The following RUVBL1 variants were observed in gnomAD, a reference collection of about 807,000 sequenced individuals.
RUVBL1 encodes the protein ruvB-like 1.
RUVBL1 carries 4 observed loss-of-function variants against 52.4 expected under a neutral mutation model. The observed-to-expected ratio is 0.08, with a 90% confidence interval of 0.04 to 0.17. The LOEUF is 0.17. RUVBL1 is among the 10% of genes least tolerant of loss of function. The pLI is 1.00. For synonymous variants in RUVBL1, 217 were observed against 214.4 expected (o/e 1.01, Z -0.10); for missense variants, 298 against 572.8 (o/e 0.52, Z 4.90).
intron 1 of RUVBL1, among the ~76,000 whole-genome samples, chr3:128,120,980 C>CAA (rs397737928): frequency 1.8e-4 from 24 of 134,478 alleles, no homozygotes; most frequent in African/African-American, 3.0e-4. Context: ...GACTCCCTCT[C>CAA]AAAAAAAAAA....
chr3:128,098,953 A>G lies in RUVBL1; in HGVS notation c.754-8T>C, dbSNP rs780874479. ...CAGGATATCTTGTCCCCCCTGCATA[A>G]GAGAAGACTTAGAGTCAGTGCTGCT... On this transcript the variant is annotated splice_region_variant and splice_polypyrimidine_tract_variant and intron_variant, in intron 6 of 10. Coordinates refer to ENST00000322623, the MANE Select transcript of RUVBL1 (RefSeq NM_003707.3). 5.6e-6 allele frequency: 9 copies of G among 1,613,284 alleles called. No homozygotes were observed. Among genetic ancestry groups the G allele is most frequent in the South Asian group, 5.5e-5 (5 of 91,076 alleles).
intron 3 of RUVBL1, among the ~76,000 whole-genome samples, chr3:128,110,884 T>G (rs1943373594): frequency 6.6e-6 from 1 of 152,100 alleles, no homozygotes; most frequent in Admixed American, 6.5e-5. Flanking sequence ...AGACATATTT[T>G]TTAGCTAAAG....
chr3:128,101,417 T>C (rs998061518), intron 5 of RUVBL1, 142 bp downstream of exon 5: 3 of 709,494 alleles, frequency 4.2e-6, no homozygotes, highest in African/African-American at 1.8e-5. Context: ...GGGCCACTAG[T>C]TGACCTTCCA....
intron 5 of RUVBL1, among the ~76,000 whole-genome samples, 172 bp from the exon 6 acceptor site, chr3:128,100,916 T>C (rs187002023): frequency 1.4e-4 from 21 of 152,320 alleles, no homozygotes; most frequent in African/African-American, 4.8e-4. Flanking sequence ...AGCTATCTGC[T>C]CATCGCTGGG....
At chr3:128,120,333 T>C (rs920702060) in intron 1 of RUVBL1, among the ~76,000 whole-genome samples, 11 of 152,226 alleles carry the variant, frequency 7.2e-5, no homozygotes, top group South Asian at 6.2e-4. Context: ...ATTAGATCCA[T>C]TGAATATGTT....
intron 4 of RUVBL1, 28 bp downstream of exon 4, chr3:128,104,745 G>A: frequency 6.3e-7 from 1 of 1,581,518 alleles, no homozygotes; most frequent in Non-Finnish European, 8.7e-7. Flanking sequence ...GAGAGTCAAG[G>A]GAAAAGAGGC....
intron 2 of RUVBL1, among the ~76,000 whole-genome samples, chr3:128,115,749 C>T (rs1390508051): frequency 1.3e-5 from 2 of 152,172 alleles, no homozygotes; most frequent in African/African-American, 4.8e-5. Context: ...ACATTCAGAG[C>T]AGTAAACTAT....
In RUVBL1 at chr3:128,067,297, T is replaced by TA. The variant is rs1360682769; in HGVS notation, c.940-2078dup. The TA allele has an allele frequency of 3.3e-5, 43 of 1,302,232 alleles. No homozygotes were observed. The highest frequency in any genetic ancestry group is 5.6e-5 in the South Asian group (4 of 71,712). The allele number at this position is 1,302,232 out of a possible 1,614,324, so 80.7% of individuals were successfully genotyped here. A position where few individuals can be genotyped will look rare whatever the true frequency, so the allele number is the denominator to read the frequency against. On this transcript the variant is annotated intron_variant, in intron 9 of 9. Coordinates refer to the RUVBL1 transcript ENST00000464873. This position sits in a 1 kb window ranked among gnomAD's most constrained non-coding sequence, Gnocchi z 4.1. ...TCAGCACATTAAATTATCTTTTCAG[T>TA]AAAAAAATTGTACTGTGGGCACCGA...
chr3:128,094,466 C>T (rs1268894156), intron 8 of RUVBL1, among the ~76,000 whole-genome samples: 4 of 152,204 alleles, frequency 2.6e-5, no homozygotes, highest in South Asian at 2.1e-4. Context: ...GGCAGCACCC[C>T]GTCAAAGCTC....
chr3:128,117,474 T>C (rs1943552843), intron 2 of RUVBL1, among the ~76,000 whole-genome samples: 1 of 152,216 alleles, frequency 6.6e-6, no homozygotes, highest in South Asian at 2.1e-4. Flanking sequence ...CCAGACGTTG[T>C]CAAAGTCCCC....
At chr3:128,089,365 T>G (rs1942759715) in intron 8 of RUVBL1, among the ~76,000 whole-genome samples, 1 of 152,078 alleles carries the variant, frequency 6.6e-6, no homozygotes, top group South Asian at 2.1e-4. Flanking sequence ...GCTTCTGCCT[T>G]GGCCTCTGGG....
chr3:128,113,473 G>T lies in RUVBL1; in HGVS notation c.229-453C>A, dbSNP rs563020073. Among the ~76,000 whole-genome samples, 8 of 152,180 alleles carry T rather than the reference G, an allele frequency of 5.3e-5. No homozygotes were observed. The East Asian group carries it at 1.5e-3, about 29-fold the overall frequency. On this transcript the variant is annotated intron_variant, in intron 2 of 10. Coordinates refer to ENST00000322623, the MANE Select transcript of RUVBL1 (RefSeq NM_003707.3). ...AGAGTCTACTCTTCAGTATCCACAG[G>T]GATACCAAAATCCATGGATGTTCAA...
chr3:128,118,945 T>G (rs1191967749), intron 2 of RUVBL1, among the ~76,000 whole-genome samples: 1 of 152,218 alleles, frequency 6.6e-6, no homozygotes, highest in African/African-American at 2.4e-5. Flanking sequence ...TAGCGATGCG[T>G]AAAGCTAGCA....
intron 4 of RUVBL1, among the ~76,000 whole-genome samples, chr3:128,103,985 A>C (rs1943167410): frequency 6.6e-6 from 1 of 152,236 alleles, no homozygotes; most frequent in African/African-American, 2.4e-5. Context: ...ATCATTCATT[A>C]GGTAACTAGG....
intron 2 of RUVBL1, among the ~76,000 whole-genome samples, chr3:128,116,952 T>C (rs1472472442): frequency 1.3e-5 from 2 of 152,234 alleles, no homozygotes; most frequent in African/African-American, 4.8e-5. Flanking sequence ...GTGGGTCTGA[T>C]GATGGCACCG....
intron 3 of RUVBL1, among the ~76,000 whole-genome samples, chr3:128,110,447 C>G (rs1372471566): frequency 6.6e-6 from 1 of 152,082 alleles, no homozygotes; most frequent in South Asian, 2.1e-4. Context: ...GCCTGGGCAA[C>G]AGAGTGAGAC....
chr3:128,117,188 A>T (rs916546265), intron 2 of RUVBL1, among the ~76,000 whole-genome samples: 1 of 152,256 alleles, frequency 6.6e-6, no homozygotes, highest in African/African-American at 2.4e-5. Context: ...ATCATAGCTT[A>T]AGAGACAATT....
rs532253439 is a variant in RUVBL1, at chr3:128,065,760, G to A, written c.940-540C>T. ...TTTTTTTTTTTTTTTTTTTTGAGAC[G>A]GAGTCTTGCTCTGTTGCCCAGGCTG... On this transcript the variant is annotated intron_variant, in intron 9 of 9. Transcript: ENST00000464873. Among the ~76,000 whole-genome samples, 81 of 96,882 alleles carry A rather than the reference G, an allele frequency of 8.4e-4. 1 individual carries two copies. In the South Asian group the frequency reaches 0.017, roughly 21 times the overall value. The allele number at this position is 96,882 out of a possible 152,430, so 63.6% of individuals were successfully genotyped here. A position where few individuals can be genotyped will look rare whatever the true frequency, so the allele number is the denominator to read the frequency against.
At chr3:128,120,808 G>A (rs1943627845) in intron 1 of RUVBL1, among the ~76,000 whole-genome samples, 1 of 152,024 alleles carries the variant, frequency 6.6e-6, no homozygotes, top group Non-Finnish European at 1.5e-5. Flanking sequence ...TTTTAGTAGA[G>A]AAGGGGTTTC....
Sources: allele counts gnomAD v4.1 joint callset (sites outside exome capture counted in the v4.1 genomes callset), GRCh38; gene constraint gnomAD v4.1.1; non-coding constraint Gnocchi (gnomAD v3.1); transcripts MANE v1.5; gene names NCBI Gene and HGNC (gene_info 2026-07-23, HGNC 2026-07-21).